SOD2: variants seen among roughly 807,000 people sequenced by gnomAD.
SOD2 encodes superoxide dismutase 2, also known as superoxide dismutase [Mn], mitochondrial.
A neutral mutation model predicts 27.0 loss-of-function variants in SOD2; 11 were observed. That is an observed-to-expected ratio of 0.41 (90% CI 0.26 to 0.67). The LOEUF (loss-of-function observed/expected upper bound fraction) is 0.67. Among genes scored for constraint, SOD2 ranks in the 30% least tolerant of loss-of-function variants. The pLI, the probability that SOD2 is intolerant of heterozygous loss-of-function variation, is 0.34. For missense variants in SOD2, 250 were observed against 274.5 expected (o/e 0.91, Z 0.63); for synonymous variants, 105 against 103.0 (o/e 1.02, Z -0.12).
intron 1 of SOD2, chr6:159,755,190 C>A (rs543667028): frequency 6.2e-7 from 1 of 1,614,078 alleles, no homozygotes; most frequent in African/African-American, 1.3e-5. Flanking sequence ...ACTACAGCTT[C>A]TGAACCTGTA....
chr6:159,757,407 TTTTC>T (rs1163401423), intron 1 of SOD2, among the ~76,000 whole-genome samples: 6 of 145,076 alleles, frequency 4.1e-5, no homozygotes, highest in Non-Finnish European at 9.1e-5. Flanking sequence ...CTTTTCTTTT[TTTTC>T]TTTTTCTCTT....
At chr6:159,712,323 C>T (rs1183525525) in intron 1 of SOD2, among the ~76,000 whole-genome samples, 1 of 148,652 alleles carries the variant, frequency 6.7e-6, no homozygotes. Context: ...ACTCACACTG[C>T]TCTGATCACC....
At chr6:159,704,102 G>A (rs1003693227) in intron 1 of SOD2, among the ~76,000 whole-genome samples, 18 of 152,164 alleles carry the variant, frequency 1.2e-4, no homozygotes, top group Non-Finnish European at 2.2e-4. Context: ...TGGCCAACAC[G>A]GTGAAACCCC....
At chr6:159,742,778 A>T (rs568318346) in intron 1 of SOD2, among the ~76,000 whole-genome samples, 22 of 152,258 alleles carry the variant, frequency 1.4e-4, no homozygotes, top group African/African-American at 3.4e-4. Context: ...GTTTAAGGCT[A>T]GGCACAGTGG....
At chr6:159,712,777 C>T in intron 1 of SOD2, 1 of 500,846 alleles carries the variant, frequency 2.0e-6, no homozygotes, top group Non-Finnish European at 4.0e-6. Flanking sequence ...CACCACTCAG[C>T]TGCATAACTA....
intron 1 of SOD2, among the ~76,000 whole-genome samples, chr6:159,712,506 A>G (rs1443964230): frequency 1.8e-5 from 2 of 108,344 alleles, no homozygotes; most frequent in Admixed American, 9.6e-5. Flanking sequence ...CTCCATAACC[A>G]CCTCCATAAC....
At chr6:159,692,890 C>G in intron 1 of SOD2, 27 bp from the exon 2 acceptor site, 2 of 1,553,552 alleles carry the variant, frequency 1.3e-6, no homozygotes, top group Non-Finnish European at 1.7e-6. Flanking sequence ...ACAGCCCGGT[C>G]AGTCAGCGCC....
rs895843755 is a variant in SOD2 at position 159,680,566 on chromosome 6, T to C, written c.*1927A>G. 6.6e-6 allele frequency: 1 copy of C among 150,402 alleles called. No individual in the cohort carries two copies. Among genetic ancestry groups the C allele is most frequent in the African/African-American group, 2.4e-5 (1 of 40,850 alleles). The allele number at this position is 150,402 out of a possible 1,614,324, so 9.3% of individuals were successfully genotyped here. On this transcript the variant is annotated 3_prime_UTR_variant, in exon 5 of 5. Coordinates refer to ENST00000538183, the MANE Select transcript of SOD2 (RefSeq NM_000636.4). ...ACCCCATTTTTCCATGAAAAAAAAATAGAAAAATAAACTTGGGGAAAAAAT... is the reference window on the plus strand; with the variant it reads ...ACCCCATTTTTCCATGAAAAAAAAACAGAAAAATAAACTTGGGGAAAAAAT...
upstream of SOD2, among the ~76,000 whole-genome samples, chr6:159,729,826 C>T (rs893945015): frequency 2.6e-5 from 4 of 152,194 alleles, no homozygotes; most frequent in African/African-American, 4.8e-5. Flanking sequence ...TGTCTTCTTA[C>T]TGAAGTTGTT....
Position 159,702,850 on chromosome 6 carries a change from G to GA in SOD2, c.-115-9988dup, listed in dbSNP as rs35570449. 5.8e-3 allele frequency among the ~76,000 whole-genome samples: 176 copies of GA among 30,590 alleles called. 3 individuals carry two copies. The highest frequency in any genetic ancestry group is 8.7e-3 in the East Asian group (8 of 922). 20.1% of individuals were successfully genotyped at this position (30,590 alleles called of 152,430 possible). A position where few individuals can be genotyped will look rare whatever the true frequency, so the allele number is the denominator to read the frequency against. On this transcript the variant is annotated intron_variant, in intron 1 of 2. Transcript: ENST00000401980. ...GGGCGACAGAGCAAGACCCTATCTC[G>GA]AAAAAAAAAAAAAAAAAAAAAAAAG...
At position 159,673,317 on chromosome 6, in the gene SOD2, C is replaced by G; in HGVS notation, c.*9176G>C. 1 of 152,214 alleles carries G rather than the reference C, an allele frequency of 6.6e-6. No individual in the cohort carries two copies. 9.4% of individuals were successfully genotyped at this position (152,214 alleles called of 1,614,324 possible). ...ATACATTCTTCTCAGCACCACATCGCACCTATTCCAAAATTGACCACATAG... is the reference window on the plus strand; with the variant it reads ...ATACATTCTTCTCAGCACCACATCGGACCTATTCCAAAATTGACCACATAG... On this transcript the variant is annotated 3_prime_UTR_variant, in exon 5 of 5. Transcript: ENST00000538183.
upstream of SOD2, among the ~76,000 whole-genome samples, chr6:159,728,577 GT>G (rs925360524): frequency 6.6e-6 from 1 of 152,094 alleles, no homozygotes; most frequent in Admixed American, 6.5e-5. Flanking sequence ...GCAAGTTCTC[GT>G]TTTTTGGATT....
rs573488579 is a variant in SOD2 at position 159,740,204 on chromosome 6, A to T, written c.-116+4926T>A. Among the ~76,000 whole-genome samples, 4 of 151,922 alleles carry T rather than the reference A, an allele frequency of 2.6e-5. No homozygotes were observed. The South Asian group carries it at 8.3e-4, about 32-fold the overall frequency. On this transcript the variant is annotated intron_variant, in intron 1 of 3. Coordinates refer to the SOD2 transcript ENST00000537657. ...ACTTTTTTTAATGCCTTCTTACATA[A>T]TTGCTCTGGTTAGTCTGTGCAGTCA... is the stretch of plus-strand genomic sequence containing the variant.
At chr6:159,689,659 C>T (rs1160976196) in intron 2 of SOD2, among the ~76,000 whole-genome samples, 2 of 152,164 alleles carry the variant, frequency 1.3e-5, no homozygotes, top group Non-Finnish European at 2.9e-5. Context: ...TGAAAGTGTA[C>T]GTTAAGAACA....
rs1455359368 is a variant in SOD2 at position 159,678,148 on chromosome 6, A to C, written c.*4345T>G. ...AGCTTCTGGGTAGCTGATGACGTGGAGAGAGCATGAAAGCTCCATACCCCT... is the reference window on the plus strand; with the variant it reads ...AGCTTCTGGGTAGCTGATGACGTGGCGAGAGCATGAAAGCTCCATACCCCT... On this transcript the variant is annotated 3_prime_UTR_variant, in exon 5 of 5. Transcript: ENST00000538183. 6.6e-6 allele frequency: 1 copy of C among 152,262 alleles called. No individual in the cohort carries two copies. The highest frequency in any genetic ancestry group is 1.5e-5 in the Non-Finnish European group (1 of 68,078). The allele number at this position is 152,262 out of a possible 1,614,324, so 9.4% of individuals were successfully genotyped here.
intron 1 of SOD2, among the ~76,000 whole-genome samples, chr6:159,735,518 A>T (rs1277525986): frequency 2.6e-5 from 4 of 152,172 alleles, no homozygotes; most frequent in Non-Finnish European, 5.9e-5. Flanking sequence ...TGGGAGGCCA[A>T]GGCGGACGGG....
chr6:159,726,504 A>G (rs1477765620), intron 1 of SOD2: 2 of 305,600 alleles, frequency 6.5e-6, no homozygotes, highest in South Asian at 5.2e-5. Flanking sequence ...CAGACCAATC[A>G]AAAGAATTAC....
rs1051312091 is a variant in SOD2 at position 159,678,352 on chromosome 6, C to A, written c.*4141G>T. The A allele has an allele frequency of 6.6e-6, 1 of 152,084 alleles. No individual in the cohort carries two copies. The highest frequency in any genetic ancestry group is 1.5e-5 in the Non-Finnish European group (1 of 68,070). The allele number at this position is 152,084 out of a possible 1,614,324, so 9.4% of individuals were successfully genotyped here. A position where few individuals can be genotyped will look rare whatever the true frequency, so the allele number is the denominator to read the frequency against. ...GACCAGCCTGGCCAACAGAGTGAAA[C>A]CCCATCTCTACTAAAAATACAAAAA... On this transcript the variant is annotated 3_prime_UTR_variant, in exon 5 of 5. Coordinates refer to ENST00000538183, the MANE Select transcript of SOD2 (RefSeq NM_000636.4).
chr6:159,721,633 G>A (rs564761387), intron 1 of SOD2, among the ~76,000 whole-genome samples: 23 of 149,668 alleles, frequency 1.5e-4, no homozygotes, highest in Non-Finnish European at 3.2e-4. Context: ...CTCCCAAAGT[G>A]CTGGGATTAC....
Sources: allele counts gnomAD v4.1 joint callset (sites outside exome capture counted in the v4.1 genomes callset), GRCh38; gene constraint gnomAD v4.1.1; transcripts MANE v1.5; gene names NCBI Gene and HGNC (gene_info 2026-07-23, HGNC 2026-07-21).